ERN1: variants seen among roughly 807,000 people sequenced by gnomAD.
ERN1 encodes serine/threonine-protein kinase/endoribonuclease IRE1.
A neutral mutation model predicts 113.1 loss-of-function variants in ERN1; 39 were observed. That is an observed-to-expected ratio of 0.34 (90% CI 0.27 to 0.45). The LOEUF (loss-of-function observed/expected upper bound fraction) is 0.45, where lower values mean the gene tolerates loss of function less well. ERN1 is among the 20% of genes least tolerant of loss of function. The pLI, the probability that ERN1 is intolerant of heterozygous loss-of-function variation, is 1.00. For synonymous variants in ERN1, 507 were observed against 515.9 expected (o/e 0.98, Z 0.23); for missense variants, 976 against 1,274.8 (o/e 0.77, Z 3.57).
At position 64,049,573 on chromosome 17, in the gene ERN1, C is replaced by A. The variant is rs931610786; in HGVS notation, c.2254-371G>T. Among the ~76,000 whole-genome samples, 3 of 152,202 alleles carry A rather than the reference C, an allele frequency of 2.0e-5. No individual in the cohort carries two copies. Among genetic ancestry groups the A allele is most frequent in the African/African-American group, 7.2e-5 (3 of 41,452 alleles). ...TGTTATATATTCCTTACCCCCAACACGAAAGTGCTCACAGACAGGGTCTCT... is the reference window on the plus strand; with the variant it reads ...TGTTATATATTCCTTACCCCCAACAAGAAAGTGCTCACAGACAGGGTCTCT... On this transcript the variant is annotated intron_variant, in intron 17 of 21. Coordinates refer to ENST00000433197, the MANE Select transcript of ERN1 (RefSeq NM_001433.5). This position sits in a 1 kb window ranked among gnomAD's most constrained non-coding sequence, Gnocchi z 4.7.
rs148759394 is a variant in ERN1 at position 64,058,454 on chromosome 17, A to C, written c.1207-461T>G. Among the ~76,000 whole-genome samples, 315 of 152,338 alleles carry C rather than the reference A, an allele frequency of 2.1e-3. 4 individuals carry two copies. Among genetic ancestry groups the C allele is most frequent in the African/African-American group, 7.3e-3 (303 of 41,572 alleles). On this transcript the variant is annotated intron_variant, in intron 11 of 21. Transcript: ENST00000433197. ...GAGGCACATGGCTAGAAAGCAATAA[A>C]GCAGTTTTCTCGTGTTGCCTGTAAA...
chr17:64,066,600 CT>C, intron 8 of ERN1, 70 bp downstream of exon 8: 1 of 1,574,076 alleles, frequency 6.4e-7, no homozygotes, highest in Non-Finnish European at 8.7e-7. Context: ...CGTGCAGGGC[CT>C]GCTACACTGC....
At chr17:64,113,794 T>C (rs181510520) in intron 1 of ERN1, among the ~76,000 whole-genome samples, 1,580 of 152,228 alleles carry the variant, frequency 0.01, 34 homozygotes, top group African/African-American at 0.037. Context: ...AGCAATTCTC[T>C]GCCTCAGCCT....
chr17:64,092,668 A>G (rs900053940), intron 2 of ERN1, among the ~76,000 whole-genome samples: 3 of 152,190 alleles, frequency 2.0e-5, no homozygotes, highest in Admixed American at 6.5e-5. Context: ...GAGACAGAAA[A>G]GAATAGAGCA....
intron 4 of ERN1, among the ~76,000 whole-genome samples, chr17:64,077,777 G>A (rs772402866): frequency 2.0e-5 from 3 of 149,514 alleles, no homozygotes; most frequent in Non-Finnish European, 4.4e-5. Context: ...ATGGAGTCTC[G>A]CTCTGTTGCC....
chr17:64,065,100 T>A (rs1193824612), intron 9 of ERN1, 109 bp downstream of exon 9: 10 of 669,394 alleles, frequency 1.5e-5, no homozygotes, highest in Non-Finnish European at 2.5e-5. Flanking sequence ...ACTTAAGATT[T>A]GTGTTTTTCA....
At chr17:64,097,600 C>T (rs2270524) in intron 2 of ERN1, among the ~76,000 whole-genome samples, 8,751 of 152,200 alleles carry the variant, frequency 0.057, 642 homozygotes, top group East Asian at 0.3. Flanking sequence ...ATAACATGGA[C>T]GCATGGTATG....
intron 17 of ERN1, among the ~76,000 whole-genome samples, chr17:64,051,139 T>G (rs1179704623): frequency 2.1e-5 from 3 of 141,032 alleles, no homozygotes; most frequent in African/African-American, 7.4e-5. Flanking sequence ...TCAAAATCCT[T>G]GAGCCCATAG....
intron 1 of ERN1, among the ~76,000 whole-genome samples, chr17:64,100,479 G>A (rs557719718): frequency 1.1e-4 from 16 of 152,296 alleles, no homozygotes; most frequent in African/African-American, 3.8e-4. Flanking sequence ...GGTGGCTAAA[G>A]TGGAAATAAG....
Position 64,040,221 on chromosome 17 carries a change from T to C in ERN1, c.*3767A>G, listed in dbSNP as rs950656022. The C allele has an allele frequency of 1.1e-4, 16 of 152,174 alleles. No homozygotes were observed. Among genetic ancestry groups the C allele is most frequent in the African/African-American group, 3.9e-4 (16 of 41,418 alleles). The allele number at this position is 152,174 out of a possible 1,614,324, so 9.4% of individuals were successfully genotyped here. A position where few individuals can be genotyped will look rare whatever the true frequency, so the allele number is the denominator to read the frequency against. On this transcript the variant is annotated 3_prime_UTR_variant, in exon 22 of 22. Transcript: ENST00000433197. Reference sequence around the variant, plus strand: ...GAGAGAGAAAGCGACATGGGGGACTTAAAGAGGCTCCTTCCAGGGCGCTGG... The same window carrying C: ...GAGAGAGAAAGCGACATGGGGGACTCAAAGAGGCTCCTTCCAGGGCGCTGG...
intron 5 of ERN1, among the ~76,000 whole-genome samples, chr17:64,073,911 T>C (rs776387600): frequency 6.6e-6 from 1 of 152,226 alleles, no homozygotes; most frequent in Non-Finnish European, 1.5e-5. Flanking sequence ...CCCAAGGTAC[T>C]GGGATTACAG....
intron 1 of ERN1, among the ~76,000 whole-genome samples, chr17:64,106,695 A>T (rs933369406): frequency 6.9e-6 from 1 of 145,672 alleles, no homozygotes; most frequent in Non-Finnish European, 1.5e-5. Flanking sequence ...ATAACAGGAC[A>T]CCAGTCCTAC....
chr17:64,112,358 A>G (rs914696020), intron 1 of ERN1, among the ~76,000 whole-genome samples: 1 of 146,390 alleles, frequency 6.8e-6, no homozygotes, highest in Admixed American at 6.8e-5. Flanking sequence ...ACAGACCGAG[A>G]CTCTGTCTCA....
At position 64,040,602 on chromosome 17, in the gene ERN1, G is replaced by A. The variant is rs1052135225; in HGVS notation, c.*3386C>T. 6.6e-6 allele frequency: 1 copy of A among 152,178 alleles called. No individual in the cohort carries two copies. The highest frequency in any genetic ancestry group is 1.5e-5 in the Non-Finnish European group (1 of 68,036). 9.4% of individuals were successfully genotyped at this position (152,178 alleles called of 1,614,324 possible). A position where few individuals can be genotyped will look rare whatever the true frequency, so the allele number is the denominator to read the frequency against. ...GATAAGGCCCTTTCTTCTAGAGTTG[G>A]TGGGAAGAAACTCTGCTGGATCTAC... On this transcript the variant is annotated 3_prime_UTR_variant, in exon 22 of 22. Transcript: ENST00000433197.
intron 5 of ERN1, among the ~76,000 whole-genome samples, chr17:64,072,860 ACT>A (rs1342968289): frequency 6.6e-6 from 1 of 152,202 alleles, no homozygotes; most frequent in African/African-American, 2.4e-5. Context: ...CAACACAGTC[ACT>A]GTGATGCGTG....
chr17:64,070,025 A>G (rs574542399), intron 6 of ERN1, among the ~76,000 whole-genome samples: 1 of 152,276 alleles, frequency 6.6e-6, no homozygotes, highest in South Asian at 2.1e-4. Context: ...TCTACCCTTG[A>G]TTCTCAGCTG....
intron 12 of ERN1, among the ~76,000 whole-genome samples, chr17:64,057,168 G>A (rs1912897079): frequency 6.6e-6 from 1 of 152,104 alleles, no homozygotes; most frequent in Non-Finnish European, 1.5e-5. Flanking sequence ...CAGTTTTTAA[G>A]GGAGGAAAGG....
At chr17:64,052,549 A>C (rs896776963) in intron 17 of ERN1, among the ~76,000 whole-genome samples, 79 of 143,614 alleles carry the variant, frequency 5.5e-4, no homozygotes, top group South Asian at 1.6e-3. Flanking sequence ...AAAAAAAAAA[A>C]CAAGTGATTG....
chr17:64,079,812 A>G, intron 3 of ERN1, 78 bp from the exon 4 acceptor site: 1 of 1,109,400 alleles, frequency 9.0e-7, no homozygotes. Context: ...ACGCAAACCC[A>G]TGATGGAGGA....
Sources: allele counts gnomAD v4.1 joint callset (sites outside exome capture counted in the v4.1 genomes callset), GRCh38; gene constraint gnomAD v4.1.1; non-coding constraint Gnocchi (gnomAD v3.1); transcripts MANE v1.5; gene names NCBI Gene and HGNC (gene_info 2026-07-23, HGNC 2026-07-21).